The following RBFOX1 variants were observed in gnomAD, a reference collection of about 807,000 sequenced individuals.
RBFOX1 encodes RNA binding fox-1 homolog 1.
Under a neutral mutation model 57.7 loss-of-function variants are expected in RBFOX1, and 8 were observed. The ratio of observed to expected loss-of-function variants is 0.14; its 90% CI spans 0.08 to 0.25. The LOEUF (loss-of-function observed/expected upper bound fraction) is 0.25, where lower values mean the gene tolerates loss of function less well. RBFOX1 is among the 10% of genes least tolerant of loss of function. The pLI, the probability that RBFOX1 is intolerant of heterozygous loss-of-function variation, is 1.00. For missense variants in RBFOX1, 611 were observed against 548.5 expected, an observed-to-expected ratio of 1.11 and a Z score of -1.14; for synonymous variants, 326 against 222.4, an observed-to-expected ratio of 1.47 and a Z score of -4.15.
intron 3 of RBFOX1, among the ~76,000 whole-genome samples, chr16:6,696,863 A>G (rs979325311): frequency 1.3e-5 from 2 of 152,194 alleles, no homozygotes; most frequent in African/African-American, 4.8e-5. Flanking sequence ...GAGAAATAGT[A>G]TTTTGTCTTA....
At chr16:7,584,706 C>A (rs954286437) in intron 6 of RBFOX1, among the ~76,000 whole-genome samples, 1 of 152,164 alleles carries the variant, frequency 6.6e-6, no homozygotes, top group Non-Finnish European at 1.5e-5. Flanking sequence ...GCGAATGAGT[C>A]GTGTCTATTT....
chr16:6,149,032 C>G (rs1289888123), intron 1 of RBFOX1, among the ~76,000 whole-genome samples: 2 of 152,218 alleles, frequency 1.3e-5, no homozygotes, highest in African/African-American at 4.8e-5. Context: ...AAATGTAGAT[C>G]ATTGAAATGG....
chr16:6,215,551 C>T (rs2152864437), intron 1 of RBFOX1, among the ~76,000 whole-genome samples: 1 of 152,150 alleles, frequency 6.6e-6, no homozygotes, highest in Non-Finnish European at 1.5e-5. Flanking sequence ...TCCCCCAAAT[C>T]CCTTGGGACT....
intron 2 of RBFOX1, among the ~76,000 whole-genome samples, chr16:6,557,160 T>C (rs1178230250): frequency 2.1e-5 from 3 of 142,940 alleles, no homozygotes; most frequent in Non-Finnish European, 3.0e-5. Flanking sequence ...CACATATATA[T>C]ACACATATAT....
chr16:5,840,631 A>G (rs925830453), intron 3 of RBFOX1, among the ~76,000 whole-genome samples: 5 of 152,180 alleles, frequency 3.3e-5, no homozygotes, highest in African/African-American at 1.2e-4. Flanking sequence ...TCACAGAATG[A>G]AAACATGTCA....
At chr16:7,055,172 A>G (rs2153735982) in intron 4 of RBFOX1, among the ~76,000 whole-genome samples, 1 of 152,328 alleles carries the variant, frequency 6.6e-6, no homozygotes, top group East Asian at 1.9e-4. Context: ...GTCTTCTCAT[A>G]GCCTTTAATT....
intron 3 of RBFOX1, among the ~76,000 whole-genome samples, chr16:5,760,024 C>T (rs574477697): frequency 2.3e-4 from 34 of 150,924 alleles, no homozygotes; most frequent in African/African-American, 8.0e-4. Flanking sequence ...AAAAAAAAAC[C>T]TTGTATTTGA....
At chr16:7,285,898 C>T (rs921994977) in intron 4 of RBFOX1, among the ~76,000 whole-genome samples, 1 of 152,120 alleles carries the variant, frequency 6.6e-6, no homozygotes, top group Non-Finnish European at 1.5e-5. Flanking sequence ...GATAAGGGCT[C>T]AAGAAAGAAC....
At chr16:5,482,392 T>C (rs955572637) in intron 2 of RBFOX1, among the ~76,000 whole-genome samples, 4 of 152,200 alleles carry the variant, frequency 2.6e-5, no homozygotes, top group Non-Finnish European at 5.9e-5. Context: ...TGGCTATTTC[T>C]CCTGCTTCCT....
intron 3 of RBFOX1, among the ~76,000 whole-genome samples, chr16:5,848,276 C>A (rs1228785722): frequency 1.3e-5 from 2 of 152,188 alleles, no homozygotes; most frequent in Non-Finnish European, 2.9e-5. Flanking sequence ...TTCTCCTGTG[C>A]AGCCCACCAC....
intron 3 of RBFOX1, among the ~76,000 whole-genome samples, chr16:6,970,658 A>G (rs1411533107): frequency 6.6e-6 from 1 of 152,138 alleles, no homozygotes; most frequent in Admixed American, 6.5e-5. Flanking sequence ...GAGGGCTATG[A>G]CCTCATGACG....
At chr16:6,492,922 G>C (rs762291414) in intron 2 of RBFOX1, among the ~76,000 whole-genome samples, 1 of 152,176 alleles carries the variant, frequency 6.6e-6, no homozygotes, top group Non-Finnish European at 1.5e-5. Context: ...AGATAATGAA[G>C]GGACTATAAA....
chr16:6,962,740 T>C (rs964940038), intron 3 of RBFOX1, among the ~76,000 whole-genome samples: 2 of 152,132 alleles, frequency 1.3e-5, no homozygotes, highest in East Asian at 3.9e-4. Flanking sequence ...AGCATGTGTG[T>C]GTAGCCCCAG....
chr16:6,031,860 G>C (rs999955191), intron 1 of RBFOX1, among the ~76,000 whole-genome samples: 3 of 152,152 alleles, frequency 2.0e-5, no homozygotes, highest in African/African-American at 7.2e-5. Flanking sequence ...GGTACATTCA[G>C]TGAGTGACAG....
At chr16:7,416,200 T>A (rs1568754841) in intron 4 of RBFOX1, among the ~76,000 whole-genome samples, 2 of 152,132 alleles carry the variant, frequency 1.3e-5, no homozygotes, top group African/African-American at 2.4e-5. Flanking sequence ...AGTGACAGAT[T>A]CAATAAAAGG....
At chr16:6,878,264 A>G (rs1285500968) in intron 3 of RBFOX1, among the ~76,000 whole-genome samples, 1 of 152,130 alleles carries the variant, frequency 6.6e-6, no homozygotes, top group Non-Finnish European at 1.5e-5. Flanking sequence ...AGTTCTTGTG[A>G]TTTGAGTGAG....
rs77825518 is a variant in RBFOX1, at chr16:6,885,252, C to T, written c.-15-166805C>T. 6.0e-3 allele frequency among the ~76,000 whole-genome samples: 907 copies of T among 152,260 alleles called. 14 individuals carry two copies. The highest frequency in any genetic ancestry group is 0.021 in the African/African-American group (855 of 41,544). ...TCAGATGTGGTCTCCAGTCCAGCAG[C>T]GTCAGCATCACCTGGAAACTTGCTA... On this transcript the variant is annotated intron_variant, in intron 3 of 15. Coordinates refer to ENST00000550418, the MANE Select transcript of RBFOX1 (RefSeq NM_018723.4).
chr16:7,144,545 C>T (rs146997133), intron 4 of RBFOX1, among the ~76,000 whole-genome samples: 414 of 151,014 alleles, frequency 2.7e-3, no homozygotes, highest in African/African-American at 9.4e-3. Flanking sequence ...CTGCCTCAGC[C>T]GCAAAAAGAG....
At chr16:6,226,824 T>C (rs2097421778) in intron 1 of RBFOX1, among the ~76,000 whole-genome samples, 1 of 151,928 alleles carries the variant, frequency 6.6e-6, no homozygotes, top group Non-Finnish European at 1.5e-5. Flanking sequence ...AATGATAATA[T>C]TGTGGCTGGA....
Sources: allele counts gnomAD v4.1 joint callset (sites outside exome capture counted in the v4.1 genomes callset), GRCh38; gene constraint gnomAD v4.1.1; transcripts MANE v1.5; gene names NCBI Gene and HGNC (gene_info 2026-07-23, HGNC 2026-07-21).